Variants in RB1 observed in about 807,000 individuals in gnomAD.
RB1 encodes the protein retinoblastoma-associated protein.
Under a neutral mutation model 135.4 loss-of-function variants are expected in RB1, and 18 were observed. That is an observed-to-expected ratio of 0.13 (90% CI 0.09 to 0.20). RB1 has a LOEUF of 0.20. RB1 is among the 10% of genes least tolerant of loss of function. The probability of loss-of-function intolerance (pLI) is 1.00; values close to 1 mark genes in which losing one functional copy is unlikely to be tolerated. For missense variants in RB1, 868 were observed against 1,110.0 expected (o/e 0.78, Z 3.10); for synonymous variants, 365 against 373.2 (o/e 0.98, Z 0.25).
intron 17 of RB1, among the ~76,000 whole-genome samples, chr13:48,450,821 TG>T (rs1364484189): frequency 2.6e-5 from 4 of 152,254 alleles, no homozygotes; most frequent in African/African-American, 9.6e-5. Flanking sequence ...AAGCATGGAA[TG>T]TTTTTCCATT....
chr13:48,412,614 C>A (rs146822744), intron 17 of RB1: 9 of 615,252 alleles, frequency 1.5e-5, no homozygotes, highest in Non-Finnish European at 2.7e-5. Flanking sequence ...GTAAAATTTC[C>A]GCTGGGTTCT....
At chr13:48,472,419 C>T (rs1025514806) in intron 23 of RB1, among the ~76,000 whole-genome samples, 2 of 152,062 alleles carry the variant, frequency 1.3e-5, no homozygotes, top group African/African-American at 4.8e-5. Context: ...GTACTGATAT[C>T]TACTACTTGT....
intron 17 of RB1, among the ~76,000 whole-genome samples, chr13:48,407,897 A>G (rs1948753782): frequency 6.6e-6 from 1 of 152,184 alleles, no homozygotes; most frequent in South Asian, 2.1e-4. Context: ...GCATTTAGGC[A>G]CGAAAAAAGT....
intron 13 of RB1, among the ~76,000 whole-genome samples, chr13:48,379,304 A>G (rs1948510953): frequency 6.6e-6 from 1 of 152,190 alleles, no homozygotes; most frequent in African/African-American, 2.4e-5. Context: ...TGTGAGTTTT[A>G]GACAAGCTAG....
intron 24 of RB1, among the ~76,000 whole-genome samples, chr13:48,473,842 C>A (rs1177214055): frequency 6.6e-6 from 1 of 152,100 alleles, no homozygotes; most frequent in Non-Finnish European, 1.5e-5. Flanking sequence ...AAAATGGTCT[C>A]ACTGCAGACA....
In RB1 at chr13:48,459,773, C is replaced by G. The variant is rs994129583; in HGVS notation, c.2046C>G (p.Thr682=). 1.2e-6 allele frequency: 2 copies of G among 1,613,816 alleles called. No homozygotes were observed. Among genetic ancestry groups the G allele is most frequent in the Non-Finnish European group, 1.7e-6 (2 of 1,179,862 alleles). The change falls in exon 20 of 27, where the codon ACC becomes ACG. Residue 682 remains threonine, a synonymous_variant. Transcript: ENST00000267163. ...CAGAATTAGAACATATCATCTGGAC[C>G]CTTTTCCAGCACACCCTGCAGAATG... The part of the protein sequence containing the change: ...EHPELEHIIW[T]LFQHTLQNEY...
intron 23 of RB1, among the ~76,000 whole-genome samples, chr13:48,472,934 T>C (rs1352368931): frequency 2.6e-5 from 4 of 152,224 alleles, no homozygotes; most frequent in African/African-American, 7.2e-5. Flanking sequence ...TAGCCTTTAC[T>C]ATATCAATAT....
chr13:48,370,701 G>A (rs1446218548), intron 11 of RB1, among the ~76,000 whole-genome samples: 2 of 152,172 alleles, frequency 1.3e-5, no homozygotes. Flanking sequence ...CAGCTATCCG[G>A]AAGTTCTCTG....
chr13:48,426,559 C>T (rs1949082180), intron 17 of RB1: 1 of 152,198 alleles, frequency 6.6e-6, no homozygotes, highest in Admixed American at 6.5e-5. Context: ...CCTAGAAATT[C>T]AGAATAAAAG....
intron 7 of RB1, 41 bp downstream of exon 7, chr13:48,360,168 C>A: frequency 2.5e-6 from 4 of 1,608,754 alleles, no homozygotes; most frequent in Non-Finnish European, 3.4e-6. Flanking sequence ...TCTCATTCAG[C>A]AGTTGCTTAT....
intron 17 of RB1, among the ~76,000 whole-genome samples, chr13:48,436,172 T>C (rs939370151): frequency 6.6e-6 from 1 of 152,206 alleles, no homozygotes; most frequent in African/African-American, 2.4e-5. Flanking sequence ...AAAGACCATC[T>C]CATAGCTGGT....
At chr13:48,474,617 T>C (rs905465725) in intron 24 of RB1, among the ~76,000 whole-genome samples, 2 of 152,134 alleles carry the variant, frequency 1.3e-5, no homozygotes, top group African/African-American at 4.8e-5. Flanking sequence ...TCCATACATA[T>C]GCACTTTTTG....
intron 4 of RB1, among the ~76,000 whole-genome samples, chr13:48,346,053 C>G (rs1339562259): frequency 7.0e-6 from 1 of 142,994 alleles, no homozygotes; most frequent in Non-Finnish European, 1.5e-5. Flanking sequence ...GAAGGACTGT[C>G]TTTTCTTGCC....
At chr13:48,364,380 A>G (rs893677036) in intron 8 of RB1, among the ~76,000 whole-genome samples, 6 of 152,314 alleles carry the variant, frequency 3.9e-5, no homozygotes, top group Non-Finnish European at 7.4e-5. Context: ...CAGGCGGACG[A>G]TTTTTGTTAA....
In RB1 at chr13:48,349,911, A is replaced by G. The variant is rs117305752; in HGVS notation, c.607+888A>G. On this transcript the variant is annotated intron_variant, in intron 6 of 26. Transcript: ENST00000267163. ...GGTCACTATACTTATATCAGACAAA[A>G]TAGATTTCAAGAACAAAACTGTAAG... is the stretch of plus-strand genomic sequence containing the variant. 5.6e-3 allele frequency among the ~76,000 whole-genome samples: 846 copies of G among 152,258 alleles called. 5 individuals are homozygous for G. The highest frequency in any genetic ancestry group is 0.01 in the Middle Eastern group (3 of 294).
chr13:48,478,075 G>A (rs904188875), intron 26 of RB1, among the ~76,000 whole-genome samples: 1 of 152,190 alleles, frequency 6.6e-6, no homozygotes, highest in African/African-American at 2.4e-5. Flanking sequence ...ATGGTAGTGA[G>A]TGTAACATTT....
At chr13:48,317,305 G>T in intron 2 of RB1, 1 of 396,914 alleles carries the variant, frequency 2.5e-6, no homozygotes, top group Non-Finnish European at 4.5e-6. Flanking sequence ...CAGGCCCCAG[G>T]CGGGGCCCTC....
At chr13:48,456,427 C>G (rs2138332014) in intron 19 of RB1, 78 bp downstream of exon 19, 1 of 1,559,790 alleles carries the variant, frequency 6.4e-7, no homozygotes, top group Non-Finnish European at 8.7e-7. Flanking sequence ...CTTCTACTTT[C>G]TAGGTACATT....
Position 48,458,193 on chromosome 13 carries a change from C to A in RB1, c.1961-1495C>A, listed in dbSNP as rs568397574. On this transcript the variant is annotated intron_variant, in intron 19 of 26. Transcript: ENST00000267163. ...TGCTGCAGCAGGTGTGATGTACATA[C>A]AAAAGTAGTGTGTTGTTGCCTACTG... Among the ~76,000 whole-genome samples, 153 of 152,326 alleles carry A rather than the reference C, an allele frequency of 1.0e-3. 1 individual carries two copies. The highest frequency in any genetic ancestry group is 1.7e-3 in the Non-Finnish European group (115 of 68,038).
Sources: allele counts gnomAD v4.1 joint callset (sites outside exome capture counted in the v4.1 genomes callset), GRCh38; gene constraint gnomAD v4.1.1; transcripts MANE v1.5; gene names NCBI Gene and HGNC (gene_info 2026-07-23, HGNC 2026-07-21).